TBC1D14: variants seen among roughly 807,000 people sequenced by gnomAD.
TBC1D14 encodes TBC1 domain family, member 14.
A neutral mutation model predicts 79.0 loss-of-function variants in TBC1D14; 26 were observed. That is an observed-to-expected ratio of 0.33 (90% confidence interval 0.24 to 0.46). The LOEUF is 0.46. TBC1D14 is among the 20% of genes least tolerant of loss of function. The probability of loss-of-function intolerance (pLI) is 1.00; values close to 1 mark genes in which losing one functional copy is unlikely to be tolerated. For missense variants in TBC1D14, 769 were observed against 887.6 expected, an observed-to-expected ratio of 0.87 and a Z score of 1.70; for synonymous variants, 394 against 349.9, an observed-to-expected ratio of 1.13 and a Z score of -1.40.
At chr4:6,954,628 T>A (rs1164577734) in intron 2 of TBC1D14, among the ~76,000 whole-genome samples, 1 of 152,088 alleles carries the variant, frequency 6.6e-6, no homozygotes, top group East Asian at 1.9e-4. Flanking sequence ...TGAGACGGAG[T>A]CTGGTTCTGT....
intron 2 of TBC1D14, among the ~76,000 whole-genome samples, chr4:6,940,872 G>T (rs1380096348): frequency 6.6e-6 from 1 of 152,186 alleles, no homozygotes; most frequent in East Asian, 1.9e-4. Flanking sequence ...CACTTACTAG[G>T]AGGTGTTAGG....
At position 6,918,173 on chromosome 4, in the gene TBC1D14, G is replaced by C. The variant is rs1170254930; in HGVS notation, c.-17-5200G>C. ...AGCCAGATGGCTTTGGGCTCTGCCA[G>C]ACCTCACTTCCTTCTTCCTGTGCTT... On this transcript the variant is annotated intron_variant, in intron 1 of 13. Coordinates refer to ENST00000409757, the MANE Select transcript of TBC1D14 (RefSeq NM_020773.3). Among the ~76,000 whole-genome samples the C allele has an allele frequency of 2.6e-5, 4 of 152,206 alleles. No homozygotes were observed. In the South Asian group the frequency reaches 8.3e-4, roughly 31 times the overall value.
At chr4:6,998,201 A>T (rs560385692) in intron 5 of TBC1D14, among the ~76,000 whole-genome samples, 1 of 152,172 alleles carries the variant, frequency 6.6e-6, no homozygotes, top group East Asian at 1.9e-4. Flanking sequence ...CTCTACTAAA[A>T]ATACAAAAAT....
intron 2 of TBC1D14, among the ~76,000 whole-genome samples, chr4:6,953,457 TAAA>T (rs768801114): frequency 2.6e-5 from 3 of 114,114 alleles, no homozygotes; most frequent in African/African-American, 9.8e-5. Flanking sequence ...CCGTCTCTAC[TAAA>T]AAAAAAAAAA....
intron 1 of TBC1D14, among the ~76,000 whole-genome samples, chr4:6,922,019 C>T (rs1236112116): frequency 6.6e-6 from 1 of 152,022 alleles, no homozygotes; most frequent in Non-Finnish European, 1.5e-5. Context: ...TAGACATGCC[C>T]TTAGATGTGT....
chr4:6,929,510 T>C (rs896104639), intron 2 of TBC1D14, among the ~76,000 whole-genome samples: 24 of 151,926 alleles, frequency 1.6e-4, no homozygotes, highest in Non-Finnish European at 3.5e-4. Context: ...TCCACCCGCC[T>C]GAGGGTGGAG....
intron 2 of TBC1D14, among the ~76,000 whole-genome samples, chr4:6,934,662 AAAC>A (rs1385007732): frequency 6.6e-6 from 1 of 151,938 alleles, no homozygotes; most frequent in African/African-American, 2.4e-5. Context: ...TGTCTCAAAA[AAAC>A]AAAAAAGGAA....
intron 13 of TBC1D14, among the ~76,000 whole-genome samples, chr4:7,029,159 C>G (rs1277021128): frequency 6.6e-6 from 1 of 152,194 alleles, no homozygotes; most frequent in Non-Finnish European, 1.5e-5. Flanking sequence ...TTCAAAATGA[C>G]TAAATGTTTA....
At chr4:6,955,284 AT>A (rs1410330815) in intron 2 of TBC1D14, among the ~76,000 whole-genome samples, 1 of 152,208 alleles carries the variant, frequency 6.6e-6, no homozygotes, top group African/African-American at 2.4e-5. Flanking sequence ...TAGAGGAAGC[AT>A]TTAGGTTTTG....
At chr4:6,930,083 G>T (rs1318732034) in intron 2 of TBC1D14, among the ~76,000 whole-genome samples, 1 of 152,218 alleles carries the variant, frequency 6.6e-6, no homozygotes, top group African/African-American at 2.4e-5. Flanking sequence ...AATCAGAGGT[G>T]CAATGGTGAT....
At chr4:6,977,027 G>GCTCCCTTCTCTCCCT (rs1716771706) in intron 3 of TBC1D14, among the ~76,000 whole-genome samples, 1 of 68,196 alleles carries the variant, frequency 1.5e-5, no homozygotes, top group Non-Finnish European at 3.3e-5. Context: ...AAATCAGGGC[G>GCTCCCTTCTCTCCCT]CTCCCTCCTC....
At chr4:6,992,052 G>T (rs1246373448) in intron 3 of TBC1D14, among the ~76,000 whole-genome samples, 1 of 152,232 alleles carries the variant, frequency 6.6e-6, no homozygotes, top group East Asian at 1.9e-4. Context: ...TAGTGGCGCA[G>T]ACCAACAAGG....
intron 1 of TBC1D14, among the ~76,000 whole-genome samples, chr4:6,916,369 C>T (rs1723402984): frequency 6.6e-6 from 1 of 152,214 alleles, no homozygotes; most frequent in African/African-American, 2.4e-5. Context: ...ACACAGACGG[C>T]AGCATGACTT....
chr4:6,954,537 G>A (rs1218850634), intron 2 of TBC1D14, among the ~76,000 whole-genome samples: 2 of 152,176 alleles, frequency 1.3e-5, no homozygotes, highest in African/African-American at 4.8e-5. Flanking sequence ...GAGCTCCCTG[G>A]GCTGGTGTTT....
At chr4:6,934,344 G>C (rs1031300761) in intron 2 of TBC1D14, among the ~76,000 whole-genome samples, 1 of 152,064 alleles carries the variant, frequency 6.6e-6, no homozygotes, top group Admixed American at 6.6e-5. Flanking sequence ...GGTGAGCATG[G>C]GTGTCAACAA....
chr4:6,923,445 T>C lies in TBC1D14; in HGVS notation c.56T>C (p.Leu19Pro). The change falls in exon 2 of 14, where the codon CTG (leucine) becomes CCG (proline). Residue 19 changes from leucine to proline, a missense_variant. Physicochemically the swap from Leu to Pro is moderately conservative, Grantham distance 98. Transcript: ENST00000409757. ...STNGVAFMGI[L>P]DGRPGNPLQN... ...AATGGCGTAGCCTTCATGGGTATTCTGGATGGTCGACCAGGAAACCCCCTT... is the reference window on the plus strand; with the variant it reads ...AATGGCGTAGCCTTCATGGGTATTCCGGATGGTCGACCAGGAAACCCCCTT... 1 of 1,614,226 alleles carries C rather than the reference T, an allele frequency of 6.2e-7. No homozygotes were observed. The highest frequency in any genetic ancestry group is 8.5e-7 in the Non-Finnish European group (1 of 1,180,046).
At chr4:7,000,420 G>A (rs1719543296) in intron 6 of TBC1D14, among the ~76,000 whole-genome samples, 1 of 152,234 alleles carries the variant, frequency 6.6e-6, no homozygotes, top group Admixed American at 6.5e-5. Flanking sequence ...GGATGGTATA[G>A]GTTCAGAGAG....
intron 1 of TBC1D14, among the ~76,000 whole-genome samples, chr4:6,919,273 A>C (rs916871017): frequency 1.3e-5 from 2 of 151,946 alleles, no homozygotes; most frequent in Admixed American, 1.3e-4. Flanking sequence ...CAGCTTCCCA[A>C]GTAGCTGGGA....
intron 3 of TBC1D14, among the ~76,000 whole-genome samples, chr4:6,976,673 A>C: frequency 6.6e-6 from 1 of 152,228 alleles, no homozygotes; most frequent in East Asian, 1.9e-4. Context: ...TTCAGATAGA[A>C]GGGCCTGTAT....
Sources: allele counts gnomAD v4.1 joint callset (sites outside exome capture counted in the v4.1 genomes callset), GRCh38; gene constraint gnomAD v4.1.1; transcripts MANE v1.5; gene names NCBI Gene and HGNC (gene_info 2026-07-23, HGNC 2026-07-21).